Variants in ARMC9 observed in about 807,000 individuals in gnomAD.
The protein encoded by ARMC9 is lisH domain-containing protein ARMC9.
In ARMC9, 94 loss-of-function variants were observed where a neutral mutation model predicts 107.0. The ratio of observed to expected loss-of-function variants is 0.88; its 90% CI spans 0.74 to 1.04. The LOEUF (loss-of-function observed/expected upper bound fraction) is 1.04. Among genes scored for constraint, ARMC9 ranks in the 50% least tolerant of loss-of-function variants. The probability of loss-of-function intolerance (pLI) is 0.00; values close to 1 mark genes in which losing one functional copy is unlikely to be tolerated. For missense variants in ARMC9, 942 were observed against 1,030.1 expected (o/e 0.91, Z 1.17); for synonymous variants, 380 against 396.9 (o/e 0.96, Z 0.51).
In ARMC9 at chr2:231,211,532, CA is replaced by C. The variant is rs879262682; in HGVS notation, c.178-3286del. ...GGGGTAAAAAAGTGAGACTTTGTCT[CA>C]AAAAAAAAAAAATAGTGCTGCAGTG... On this transcript the variant is annotated intron_variant, in intron 3 of 24. Coordinates refer to ENST00000611582, the MANE Select transcript of ARMC9 (RefSeq NM_001352754.2). Among the ~76,000 whole-genome samples, 1,311 of 137,366 alleles carry C rather than the reference CA, an allele frequency of 9.5e-3. 9 individuals are homozygous for C. The highest frequency in any genetic ancestry group is 0.024 in the African/African-American group (903 of 37,646). 90.1% of individuals were successfully genotyped at this position (137,366 alleles called of 152,430 possible).
chr2:231,213,164 CTTT>C (rs72180870), intron 3 of ARMC9, among the ~76,000 whole-genome samples: 2 of 137,676 alleles, frequency 1.5e-5, no homozygotes, highest in Admixed American at 7.3e-5. Flanking sequence ...AACGTTTTTT[CTTT>C]TTTTTTTTTT....
At chr2:231,249,365 G>A (rs1336156331) in intron 9 of ARMC9, among the ~76,000 whole-genome samples, 1 of 152,070 alleles carries the variant, frequency 6.6e-6, no homozygotes, top group African/African-American at 2.4e-5. Flanking sequence ...CCCCTGCTGA[G>A]TCCAGTCAGT....
intron 19 of ARMC9, among the ~76,000 whole-genome samples, chr2:231,301,693 A>G (rs1357827272): frequency 1.3e-5 from 2 of 152,052 alleles, no homozygotes; most frequent in Non-Finnish European, 2.9e-5. Flanking sequence ...TAAGTTAAAG[A>G]TTGAGGCGGG....
In ARMC9 at chr2:231,206,183, A is replaced by G. The variant is rs981230066; in HGVS notation, c.-41-15A>G. On this transcript the variant is annotated splice_polypyrimidine_tract_variant and intron_variant, in intron 1 of 24. Coordinates refer to ENST00000611582, the MANE Select transcript of ARMC9 (RefSeq NM_001352754.2). ...GTTGAAATGAAAGCTGTTGTCTTGT[A>G]TTTTTGCCTTCTAGAGATTTTTGCT... The G allele has an allele frequency of 1.4e-5, 21 of 1,484,612 alleles. No individual in the cohort carries two copies. Among genetic ancestry groups the G allele is most frequent in the African/African-American group, 2.8e-5 (2 of 72,074 alleles). The allele number at this position is 1,484,612 out of a possible 1,614,324, so 92.0% of individuals were successfully genotyped here. A position where few individuals can be genotyped will look rare whatever the true frequency, so the allele number is the denominator to read the frequency against.
intron 19 of ARMC9, among the ~76,000 whole-genome samples, chr2:231,303,285 A>C (rs2041865486): frequency 6.6e-6 from 1 of 152,214 alleles, no homozygotes; most frequent in South Asian, 2.1e-4. Context: ...TCTGTATAAC[A>C]AGATTGTGTC....
intron 11 of ARMC9, among the ~76,000 whole-genome samples, chr2:231,260,317 A>G (rs1559365571): frequency 1.3e-5 from 2 of 152,144 alleles, no homozygotes; most frequent in South Asian, 2.1e-4. Context: ...CAGACCTGCT[A>G]AAGGGTTTGG....
At position 231,255,611 on chromosome 2, in the gene ARMC9, T is replaced by G. The variant is rs571713769; in HGVS notation, c.880-975T>G. Reference sequence around the variant, plus strand: ...TCCGTAGGCAGAGCAGCCTCTAGAGTTTTTCTTGGAGTGGTGTAACATCAA... The same window carrying G: ...TCCGTAGGCAGAGCAGCCTCTAGAGGTTTTCTTGGAGTGGTGTAACATCAA... On this transcript the variant is annotated intron_variant, in intron 9 of 24. Transcript: ENST00000611582. This position sits in a 1 kb window ranked among gnomAD's most constrained non-coding sequence, Gnocchi z 4.7. 1.8e-4 allele frequency among the ~76,000 whole-genome samples: 27 copies of G among 151,018 alleles called. 1 individual carries two copies. In the South Asian group the frequency reaches 5.5e-3, roughly 31 times the overall value.
chr2:231,228,575 C>T (rs115503249), intron 7 of ARMC9, among the ~76,000 whole-genome samples: 20 of 152,236 alleles, frequency 1.3e-4, no homozygotes, highest in African/African-American at 4.8e-4. Context: ...CTAACCTAGC[C>T]TCTGAAGTCA....
intron 20 of ARMC9, among the ~76,000 whole-genome samples, chr2:231,341,503 C>T (rs903829376): frequency 2.6e-5 from 4 of 152,122 alleles, no homozygotes; most frequent in Non-Finnish European, 2.9e-5. Context: ...GACACATTGC[C>T]GTGCCGACAA....
intron 19 of ARMC9, among the ~76,000 whole-genome samples, chr2:231,298,080 CTT>C (rs2041491562): frequency 6.6e-6 from 1 of 152,168 alleles, no homozygotes. Context: ...ATACAGAAGT[CTT>C]ATAATTTTCT....
intron 6 of ARMC9, among the ~76,000 whole-genome samples, chr2:231,224,413 A>G (rs1005396660): frequency 3.9e-5 from 6 of 152,248 alleles, no homozygotes; most frequent in Non-Finnish European, 8.8e-5. Context: ...GTATTCTGCC[A>G]TTGAACTTCA....
intron 13 of ARMC9, among the ~76,000 whole-genome samples, chr2:231,272,740 T>C (rs943096448): frequency 6.6e-6 from 1 of 151,072 alleles, no homozygotes; most frequent in Non-Finnish European, 1.5e-5. Flanking sequence ...GGTCTCAAAC[T>C]CCTGGCCTCA....
At chr2:231,223,224 A>G (rs550834259) in intron 6 of ARMC9, among the ~76,000 whole-genome samples, 2 of 152,312 alleles carry the variant, frequency 1.3e-5, no homozygotes, top group African/African-American at 4.8e-5. Flanking sequence ...TTCTTTTTAA[A>G]TAACTTTATT....
intron 11 of ARMC9, among the ~76,000 whole-genome samples, chr2:231,259,615 A>G (rs1012667305): frequency 6.6e-6 from 1 of 151,930 alleles, no homozygotes; most frequent in Non-Finnish European, 1.5e-5. Context: ...GACCCTTTCC[A>G]CTCTCAACAA....
chr2:231,361,724 C>T (rs1369202828), intron 23 of ARMC9, among the ~76,000 whole-genome samples: 5 of 152,176 alleles, frequency 3.3e-5, no homozygotes, highest in Non-Finnish European at 7.3e-5. Flanking sequence ...TCACCACTTC[C>T]TCCTGGCCAT....
At chr2:231,286,326 G>T (rs2040588897) in intron 17 of ARMC9, among the ~76,000 whole-genome samples, 1 of 152,162 alleles carries the variant, frequency 6.6e-6, no homozygotes, top group African/African-American at 2.4e-5. Context: ...GTGTTGGCCA[G>T]GCTGGTCTCA....
At chr2:231,310,401 AG>A (rs1318148949) in intron 19 of ARMC9, among the ~76,000 whole-genome samples, 1 of 134,906 alleles carries the variant, frequency 7.4e-6, no homozygotes, top group Non-Finnish European at 1.6e-5. Flanking sequence ...CTGGGCAACA[AG>A]AGTGAAACTC....
At position 231,256,630 on chromosome 2, in the gene ARMC9, T is replaced by G. The variant is rs772015381; in HGVS notation, c.914+10T>G. 1.2e-6 allele frequency: 2 copies of G among 1,613,266 alleles called. No individual in the cohort carries two copies. Among genetic ancestry groups the G allele is most frequent in the South Asian group, 1.1e-5 (1 of 91,058 alleles). On this transcript the variant is annotated intron_variant, in intron 10 of 24. Coordinates refer to ENST00000611582, the MANE Select transcript of ARMC9 (RefSeq NM_001352754.2). Reference sequence around the variant, plus strand: ...CCTCCTTGGCACCCGTGTAAGTAACTGCTCTTAGGAATTTTTATTAAGGAG... The same window carrying G: ...CCTCCTTGGCACCCGTGTAAGTAACGGCTCTTAGGAATTTTTATTAAGGAG...
intron 9 of ARMC9, among the ~76,000 whole-genome samples, chr2:231,252,612 T>G (rs2037402623): frequency 6.6e-6 from 1 of 152,066 alleles, no homozygotes; most frequent in Non-Finnish European, 1.5e-5. Context: ...TCTTAGCTTC[T>G]TGGTCTCTGT....
Sources: allele counts gnomAD v4.1 joint callset (sites outside exome capture counted in the v4.1 genomes callset), GRCh38; gene constraint gnomAD v4.1.1; non-coding constraint Gnocchi (gnomAD v3.1); transcripts MANE v1.5; gene names NCBI Gene and HGNC (gene_info 2026-07-23, HGNC 2026-07-21).